FER1L5: variants seen among roughly 807,000 people sequenced by gnomAD.
FER1L5 encodes fer-1 like family member 5.
In FER1L5, 187 loss-of-function variants were observed where a neutral mutation model predicts 279.9. The observed-to-expected ratio is 0.67, with a 90% CI of 0.59 to 0.75. The LOEUF (loss-of-function observed/expected upper bound fraction) is 0.75. Ranked by LOEUF, FER1L5 falls within the 30% of genes least tolerant of loss-of-function variation. FER1L5 has a pLI of 0.00. For synonymous variants in FER1L5, 921 were observed against 989.7 expected, an observed-to-expected ratio of 0.93 and a Z score of 1.30; for missense variants, 2,091 against 2,594.4, an observed-to-expected ratio of 0.81 and a Z score of 4.21.
chr2:96,653,513 T>C (rs2075470011), intron 7 of FER1L5, 127 bp from the exon 8 acceptor site: 1 of 757,740 alleles, frequency 1.3e-6, no homozygotes. Context: ...AGCCTGTACT[T>C]GTAAACCCAT....
intron 34 of FER1L5, chr2:96,695,288 G>A: frequency 1.7e-6 from 1 of 572,910 alleles, no homozygotes; most frequent in Admixed American, 3.8e-5. Flanking sequence ...CTCATGGGTT[G>A]GGGGACAGCG....
Position 96,646,471 on chromosome 2 carries a change from C to G in FER1L5, c.138+18C>G, listed in dbSNP as rs1039127722. On this transcript the variant is annotated intron_variant, in intron 2 of 52. Coordinates refer to ENST00000624922, the MANE Select transcript of FER1L5 (RefSeq NM_001293083.2). ...GGAATGAGGTAGACAACAGGGCAAG[C>G]CCAGAAGAGGAAATAACAACCCCAA... 2.6e-6 allele frequency: 4 copies of G among 1,551,304 alleles called. No homozygotes were observed. The highest frequency in any genetic ancestry group is 1.4e-5 in the African/African-American group (1 of 73,088).
chr2:96,692,970 A>T (rs553524265), intron 31 of FER1L5, among the ~76,000 whole-genome samples: 1 of 152,032 alleles, frequency 6.6e-6, no homozygotes. Context: ...GAGGTCAGGA[A>T]TTCGAGACCA....
chr2:96,704,270 A>G lies in FER1L5; in HGVS notation c.5857A>G (p.Ile1953Val), dbSNP rs142375531. The G allele has an allele frequency of 1.1e-5, 18 of 1,613,914 alleles. No individual in the cohort carries two copies. The African/African-American group carries it at 1.9e-4, about 17-fold the overall frequency. Residue 1953 changes from isoleucine (I) to valine (V), a missense_variant, in exon 52 of 53, where the codon ATT becomes GTT. Coordinates refer to ENST00000624922, the MANE Select transcript of FER1L5 (RefSeq NM_001293083.2). ...GTCACCAGTTCAAAACTTCTGCTAT[A>G]TTTTCTGGAAACGCTATCGCTTCAA... Reference protein sequence around the residue: ...LRSPVQNFCYIFWKRYRFKLI... With the variant: ...LRSPVQNFCYVFWKRYRFKLI...
Position 96,678,336 on chromosome 2 carries a change from C to G in FER1L5, c.1669+5082C>G, listed in dbSNP as rs2076588438. Among the ~76,000 whole-genome samples, 4 of 151,780 alleles carry G rather than the reference C, an allele frequency of 2.6e-5. No individual in the cohort carries two copies. In the South Asian group the frequency reaches 8.3e-4, roughly 32 times the overall value. ...GTAGAGACAGGGTTTCACCATGTTGCCCAGCCTGGTCTCAAAACTCCTGGG... is the reference window on the plus strand; with the variant it reads ...GTAGAGACAGGGTTTCACCATGTTGGCCAGCCTGGTCTCAAAACTCCTGGG... On this transcript the variant is annotated intron_variant, in intron 19 of 52. Coordinates refer to ENST00000624922, the MANE Select transcript of FER1L5 (RefSeq NM_001293083.2).
intron 39 of FER1L5, 106 bp from the exon 40 acceptor site, chr2:96,697,931 C>T (rs2077444493): frequency 4.0e-6 from 6 of 1,481,592 alleles, no homozygotes; most frequent in African/African-American, 1.4e-5. Context: ...GCCCCAGGGC[C>T]GCTGACTGCC....
At chr2:96,681,029 T>C (rs947638238) in intron 19 of FER1L5, among the ~76,000 whole-genome samples, 40 of 152,218 alleles carry the variant, frequency 2.6e-4, no homozygotes, top group Admixed American at 3.9e-4. Flanking sequence ...CCTGCCTCTT[T>C]AAAAAATAAT....
rs752046879 is a variant in FER1L5 at position 96,695,921 on chromosome 2, G to A, written c.4057+17G>A. 16 of 1,612,096 alleles carry A rather than the reference G, an allele frequency of 9.9e-6. No homozygotes were observed. The East Asian group carries it at 2.2e-4, about 22-fold the overall frequency. Reference sequence around the variant, plus strand: ...AGCTTCCAAGTACGGCCCTTCCTCCGTGCCTTTCCCCAGGCCTCACAAGCG... The same window carrying A: ...AGCTTCCAAGTACGGCCCTTCCTCCATGCCTTTCCCCAGGCCTCACAAGCG... On this transcript the variant is annotated intron_variant, in intron 36 of 52. Transcript: ENST00000624922.
At chr2:96,659,395 T>G (rs1423630183) in intron 9 of FER1L5, among the ~76,000 whole-genome samples, 1 of 10,978 alleles carries the variant, frequency 9.1e-5, no homozygotes, top group Non-Finnish European at 1.8e-4. Flanking sequence ...CTTTCTTTCT[T>G]TCTTTCTTTC....
At chr2:96,653,991 T>G in intron 8 of FER1L5, 1 of 462,002 alleles carries the variant, frequency 2.2e-6, no homozygotes. Context: ...CCCCTCCAAG[T>G]AGAATACTCC....
In FER1L5 at chr2:96,702,416, T is replaced by C; in HGVS notation, c.5255+15T>C. On this transcript the variant is annotated intron_variant, in intron 47 of 52. Coordinates refer to ENST00000624922, the MANE Select transcript of FER1L5 (RefSeq NM_001293083.2). This position sits in a 1 kb window ranked among gnomAD's most constrained non-coding sequence, Gnocchi z 4.0. Reference sequence around the variant, plus strand: ...TACATCAAAGGGTAGGGAAGAGGAGTCAGGCTCCGGCAGAGCCCCTCAGTT... The same window carrying C: ...TACATCAAAGGGTAGGGAAGAGGAGCCAGGCTCCGGCAGAGCCCCTCAGTT... The C allele has an allele frequency of 1.9e-6, 3 of 1,602,282 alleles. No homozygotes were observed. Among genetic ancestry groups the C allele is most frequent in the Non-Finnish European group, 2.6e-6 (3 of 1,174,730 alleles).
rs555078919 is a variant in FER1L5 at position 96,661,474 on chromosome 2, C to T, written c.894+34C>T. 5.8e-6 allele frequency: 9 copies of T among 1,543,714 alleles called. No homozygotes were observed. In the African/African-American group the frequency reaches 6.9e-5, roughly 12 times the overall value. On this transcript the variant is annotated intron_variant, in intron 11 of 52. Coordinates refer to ENST00000624922, the MANE Select transcript of FER1L5 (RefSeq NM_001293083.2). ...CCCCTAACCCCGGAAACTTTCCTAT[C>T]CTGGCTGCCTCCTGGGGGCACCCCT...
chr2:96,690,420 AGAGG>A, intron 26 of FER1L5, 63 bp from the exon 27 acceptor site: 1 of 1,418,714 alleles, frequency 7.0e-7, no homozygotes, highest in Non-Finnish European at 9.7e-7. Flanking sequence ...AGGTGTGGGA[AGAGG>A]GAGGGAGGGC....
intron 9 of FER1L5, among the ~76,000 whole-genome samples, chr2:96,656,214 A>T (rs1198142771): frequency 6.6e-6 from 1 of 152,220 alleles, no homozygotes; most frequent in African/African-American, 2.4e-5. Flanking sequence ...AAACATAAGG[A>T]TTTTATTAAG....
At chr2:96,687,746 C>A in intron 23 of FER1L5, 70 bp from the exon 24 acceptor site, 1 of 1,536,468 alleles carries the variant, frequency 6.5e-7, no homozygotes, top group Non-Finnish European at 8.8e-7. Flanking sequence ...GTACAGCCCA[C>A]TTGGGGGGTG....
intron 14 of FER1L5, among the ~76,000 whole-genome samples, chr2:96,664,370 A>G (rs2076058099): frequency 6.6e-6 from 1 of 152,124 alleles, no homozygotes; most frequent in Admixed American, 6.6e-5. Flanking sequence ...TCCCCAGGCA[A>G]CCAACAATCT....
intron 14 of FER1L5, among the ~76,000 whole-genome samples, chr2:96,666,515 G>A (rs1009135142): frequency 2.6e-5 from 4 of 151,980 alleles, no homozygotes; most frequent in East Asian, 3.9e-4. Context: ...GGAAAGCTGG[G>A]AGGTTCCCAG....
Position 96,693,578 on chromosome 2 carries a change from C to G in FER1L5, c.3365C>G (p.Thr1122Arg). 1 of 1,551,672 alleles carries G rather than the reference C, an allele frequency of 6.4e-7. No homozygotes were observed. Among genetic ancestry groups the G allele is most frequent in the South Asian group, 1.2e-5 (1 of 84,062 alleles). The change falls in exon 32 of 53, where the codon ACA becomes AGA. Residue 1122 changes from threonine (T) to arginine (R), a missense_variant. Thr to Arg is a moderately conservative substitution (Grantham distance 71). Coordinates refer to ENST00000624922, the MANE Select transcript of FER1L5 (RefSeq NM_001293083.2). ...TQTLRSSAGP[T>R]WAQTLIFQHL... ...ACCCTGAGGAGCTCTGCAGGCCCCA[C>G]ATGGGCCCAGACACTCATCTTCCAG...
chr2:96,676,454 G>T (rs1366741922), intron 19 of FER1L5, among the ~76,000 whole-genome samples: 1 of 152,100 alleles, frequency 6.6e-6, no homozygotes, highest in Admixed American at 6.5e-5. Flanking sequence ...AGCGTGAGCC[G>T]CTGGGCCCGG....
Sources: gnomAD v4.1 joint callset for allele counts (sites outside exome capture counted in the v4.1 genomes callset) on GRCh38, gnomAD v4.1.1 for gene constraint, Gnocchi (gnomAD v3.1) non-coding constraint, MANE v1.5 for transcripts, NCBI Gene and HGNC (gene_info 2026-07-23, HGNC 2026-07-21) for gene names.